CRTC1: variants seen among roughly 807,000 people sequenced by gnomAD.
CRTC1 encodes the protein CREB-regulated transcription coactivator 1.
CRTC1 carries 18 observed loss-of-function variants against 66.1 expected under a neutral mutation model. That is an observed-to-expected ratio of 0.27 (90% CI 0.19 to 0.40). The LOEUF is 0.40. Ranked by LOEUF, CRTC1 falls within the 10% of genes least tolerant of loss-of-function variation. CRTC1 has a pLI of 1.00. For missense variants in CRTC1, 669 were observed against 887.9 expected, an observed-to-expected ratio of 0.75 and a Z score of 3.13; for synonymous variants, 416 against 398.8, an observed-to-expected ratio of 1.04 and a Z score of -0.51.
chr19:18,694,974 G>A (rs943043171), intron 1 of CRTC1, among the ~76,000 whole-genome samples: 1 of 151,596 alleles, frequency 6.6e-6, no homozygotes, highest in African/African-American at 2.4e-5. Flanking sequence ...GGGTTCAAGT[G>A]ATTCTCCTGC....
At chr19:18,722,263 G>A (rs2053645807) in intron 1 of CRTC1, among the ~76,000 whole-genome samples, 1 of 152,248 alleles carries the variant, frequency 6.6e-6, no homozygotes, top group Admixed American at 6.5e-5. Context: ...GACCTGGGGT[G>A]TGGACGCAGG....
chr19:18,766,110 A>G (rs867850563), intron 9 of CRTC1, among the ~76,000 whole-genome samples: 2 of 141,174 alleles, frequency 1.4e-5, no homozygotes, highest in Non-Finnish European at 3.1e-5. Context: ...TTTTCATAAT[A>G]CTCTTTTGTA....
chr19:18,695,194 T>A (rs2052955332), intron 1 of CRTC1, among the ~76,000 whole-genome samples: 2 of 151,862 alleles, frequency 1.3e-5, no homozygotes, highest in Non-Finnish European at 2.9e-5. Flanking sequence ...TTGGTGGAGT[T>A]GGGGGTTTCG....
intron 1 of CRTC1, among the ~76,000 whole-genome samples, chr19:18,691,133 T>C (rs1389585115): frequency 6.7e-6 from 1 of 150,324 alleles, no homozygotes; most frequent in African/African-American, 2.4e-5. Flanking sequence ...GCCCAGGAGT[T>C]TGAGGTTACA....
Position 18,777,262 on chromosome 19 carries a change from T to A in CRTC1, c.1785T>A (p.Phe595Leu). 1 of 1,612,076 alleles carries A rather than the reference T, an allele frequency of 6.2e-7. No individual in the cohort carries two copies. The highest frequency in any genetic ancestry group is 8.5e-7 in the Non-Finnish European group (1 of 1,179,834). The stretch of plus-strand genomic sequence containing the variant: ...TCAGCTTCGACTCCGACAGCCAGTT[T>A]CCCCTGGACGAACTCAAGATCGACC... ...GDVSFDSDSQ[F>L]PLDELKIDPL... is the part of the protein sequence containing the mutation. The change falls in exon 14 of 14, where the codon TTT (phenylalanine) becomes TTA (leucine). Residue 595 changes from phenylalanine to leucine, a missense_variant. Physicochemically the swap from Phe to Leu is conservative, Grantham distance 22 (BLOSUM62 0). Coordinates refer to ENST00000321949, the MANE Select transcript of CRTC1 (RefSeq NM_015321.3). This position sits in a 1 kb window ranked among gnomAD's most constrained non-coding sequence, Gnocchi z 5.5.
intron 1 of CRTC1, among the ~76,000 whole-genome samples, chr19:18,703,077 G>A (rs1433661350): frequency 6.6e-6 from 1 of 151,872 alleles, no homozygotes; most frequent in Non-Finnish European, 1.5e-5. Flanking sequence ...CCACCTCCTG[G>A]GTTCACGCCA....
intron 1 of CRTC1, among the ~76,000 whole-genome samples, chr19:18,740,069 G>A (rs1240701471): frequency 5.3e-5 from 8 of 151,834 alleles, no homozygotes; most frequent in African/African-American, 9.7e-5. Flanking sequence ...CCTGGCCAAC[G>A]TGGTGAAACT....
chr19:18,709,953 C>A (rs555277267), intron 1 of CRTC1, among the ~76,000 whole-genome samples: 26 of 152,190 alleles, frequency 1.7e-4, no homozygotes, highest in Middle Eastern at 3.2e-3. Flanking sequence ...CCAGCGGCTT[C>A]TCGTCCCACC....
At chr19:18,737,582 T>TA (rs1365086767) in intron 1 of CRTC1, among the ~76,000 whole-genome samples, 1 of 152,152 alleles carries the variant, frequency 6.6e-6, no homozygotes, top group Admixed American at 6.6e-5. Flanking sequence ...CACAAAAAGA[T>TA]ACGTCCACAC....
At chr19:18,756,462 C>G (rs559504364) in intron 6 of CRTC1, among the ~76,000 whole-genome samples, 1 of 150,984 alleles carries the variant, frequency 6.6e-6, no homozygotes, top group Non-Finnish European at 1.5e-5. Flanking sequence ...GCGTGGGCAA[C>G]ATACTGAGAC....
chr19:18,691,025 CA>C (rs751088340), intron 1 of CRTC1, among the ~76,000 whole-genome samples: 696 of 58,106 alleles, frequency 0.012, 7 homozygotes, highest in African/African-American at 0.035. Flanking sequence ...GACTCCGTCT[CA>C]AAAAAAAAAA....
chr19:18,749,883 C>T lies in CRTC1; in HGVS notation c.538+8C>T, dbSNP rs769340461. On this transcript the variant is annotated splice_region_variant and intron_variant, in intron 5 of 13. Coordinates refer to ENST00000321949, the MANE Select transcript of CRTC1 (RefSeq NM_015321.3). Reference sequence around the variant, plus strand: ...ACGTGCACCAGAAAAGAGGTATGGACAGGGGACTCGGGTGTCTCTGCTGGG... The same window carrying T: ...ACGTGCACCAGAAAAGAGGTATGGATAGGGGACTCGGGTGTCTCTGCTGGG... 3 of 1,611,342 alleles carry T rather than the reference C, an allele frequency of 1.9e-6. No homozygotes were observed. The highest frequency in any genetic ancestry group is 2.2e-5 in the South Asian group (2 of 91,012).
chr19:18,729,648 A>G (rs71332138), intron 1 of CRTC1, among the ~76,000 whole-genome samples: 44,925 of 151,822 alleles, frequency 0.3, 6,744 homozygotes, highest in African/African-American at 0.32. Context: ...AGTTGAGGTG[A>G]CAGGATTGCT....
chr19:18,731,905 C>A (rs1026842127), intron 1 of CRTC1, among the ~76,000 whole-genome samples: 4 of 152,228 alleles, frequency 2.6e-5, no homozygotes, highest in Non-Finnish European at 5.9e-5. Flanking sequence ...CAGGAACCCC[C>A]TCTCCTCACC....
intron 4 of CRTC1, among the ~76,000 whole-genome samples, chr19:18,748,920 G>A (rs1265770166): frequency 6.6e-6 from 1 of 152,136 alleles, no homozygotes; most frequent in Non-Finnish European, 1.5e-5. Context: ...TATGGAGTGG[G>A]CAGTGTGTTC....
In CRTC1 at chr19:18,746,096, G is replaced by A. The variant is rs112029326; in HGVS notation, c.381+136G>A. ...ACAGAATCAGGGCAGCACCATCTGG[G>A]AGGCTTGATCTCAGGGCAGCCTGGG... On this transcript the variant is annotated intron_variant, in intron 3 of 13. Coordinates refer to ENST00000321949, the MANE Select transcript of CRTC1 (RefSeq NM_015321.3). The A allele has an allele frequency of 7.1e-6, 9 of 1,266,430 alleles. No individual in the cohort carries two copies. The South Asian group carries it at 1.1e-4, about 15-fold the overall frequency. 78.4% of individuals were successfully genotyped at this position (1,266,430 alleles called of 1,614,324 possible).
intron 3 of CRTC1, among the ~76,000 whole-genome samples, chr19:18,746,848 A>T (rs1438254564): frequency 6.6e-6 from 1 of 152,116 alleles, no homozygotes; most frequent in African/African-American, 2.4e-5. Context: ...ACAGGGCTGT[A>T]CCCCTGGAGA....
intron 1 of CRTC1, among the ~76,000 whole-genome samples, chr19:18,694,000 C>T (rs376944309): frequency 1.2e-4 from 19 of 152,016 alleles, no homozygotes; most frequent in African/African-American, 4.1e-4. Flanking sequence ...GGCATGGTGG[C>T]GGGCACCTGT....
At chr19:18,732,408 A>G (rs984260457) in intron 1 of CRTC1, among the ~76,000 whole-genome samples, 1 of 152,216 alleles carries the variant, frequency 6.6e-6, no homozygotes. Flanking sequence ...CTGTACCTGG[A>G]ACCTGGTCTG....
Sources: allele counts gnomAD v4.1 joint callset (sites outside exome capture counted in the v4.1 genomes callset), GRCh38; gene constraint gnomAD v4.1.1; non-coding constraint Gnocchi (gnomAD v3.1); transcripts MANE v1.5; gene names NCBI Gene and HGNC (gene_info 2026-07-23, HGNC 2026-07-21).